The following FBLN7 variants were observed in gnomAD, a reference collection of about 807,000 sequenced individuals.
The protein encoded by FBLN7 is fibulin-7.
Under a neutral mutation model 44.0 loss-of-function variants are expected in FBLN7, and 31 were observed. The observed-to-expected ratio is 0.70, with a 90% confidence interval of 0.53 to 0.95. The LOEUF is 0.95. FBLN7 is among the 40% of genes least tolerant of loss of function. The probability of loss-of-function intolerance (pLI) is 0.00; values close to 1 mark genes in which losing one functional copy is unlikely to be tolerated. For missense variants in FBLN7, 573 were observed against 618.5 expected (o/e 0.93, Z 0.78); for synonymous variants, 262 against 253.4 (o/e 1.03, Z -0.32).
At chr2:112,233,698 C>G in the FBLN7 span, among the ~76,000 whole-genome samples, 2 of 151,856 alleles carry the variant, frequency 1.3e-5, no homozygotes, top group African/African-American at 2.4e-5. Flanking sequence ...AAACCTCGTC[C>G]CTACTAACAA....
chr2:112,182,890 G>A lies in FBLN7; in HGVS notation c.770G>A (p.Gly257Asp). The A allele has an allele frequency of 4.3e-6, 7 of 1,613,036 alleles. No individual in the cohort carries two copies. The highest frequency in any genetic ancestry group is 5.9e-6 in the Non-Finnish European group (7 of 1,179,852). Reference protein sequence around the residue: ...TPGSYRCTCPGGYRTLADGKS... With the variant: ...TPGSYRCTCPDGYRTLADGKS... ...GGCTCTTACCGTTGCACCTGCCCCGGTGGATACCGAACTCTGGCTGACGGG... is the reference window on the plus strand; with the variant it reads ...GGCTCTTACCGTTGCACCTGCCCCGATGGATACCGAACTCTGGCTGACGGG... Residue 257 changes from glycine to aspartate, a missense_variant, in exon 6 of 8, where the codon GGT becomes GAT. Physicochemically the swap from Gly to Asp is moderately conservative, Grantham distance 94. Coordinates refer to ENST00000331203, the MANE Select transcript of FBLN7 (RefSeq NM_153214.3).
At chr2:112,154,967 G>A (rs1681341833) in intron 1 of FBLN7, among the ~76,000 whole-genome samples, 2 of 152,206 alleles carry the variant, frequency 1.3e-5, no homozygotes, top group South Asian at 4.1e-4. Context: ...ATCCTGTGGG[G>A]CTGCATGGTG....
At chr2:112,220,442 A>G in the FBLN7 span, among the ~76,000 whole-genome samples, 1 of 152,186 alleles carries the variant, frequency 6.6e-6, no homozygotes, top group African/African-American at 2.4e-5. Flanking sequence ...TTCTTGGTTG[A>G]AAATTCTTTA....
At chr2:112,224,163 C>T in the FBLN7 span, among the ~76,000 whole-genome samples, 1,183 of 152,134 alleles carry the variant, frequency 7.8e-3, 16 homozygotes, top group Non-Finnish European at 8.2e-3. Context: ...AATATTTTGA[C>T]ATAATATTAA....
At position 112,156,598 on chromosome 2, in the gene FBLN7, T is replaced by TA. The variant is rs573220769; in HGVS notation, c.76-3077dup. ...GCAGGGCTGCACGGTGCTGGGCAGGTACGGGGTTGCAGGAGGTCGCTCCTG... is the reference window on the plus strand; with the variant it reads ...GCAGGGCTGCACGGTGCTGGGCAGGTAACGGGGTTGCAGGAGGTCGCTCCTG... On this transcript the variant is annotated intron_variant, in intron 1 of 7. Coordinates refer to ENST00000331203, the MANE Select transcript of FBLN7 (RefSeq NM_153214.3). 1.2e-3 allele frequency among the ~76,000 whole-genome samples: 183 copies of TA among 152,242 alleles called. 1 individual carries two copies. The highest frequency in any genetic ancestry group is 3.9e-3 in the South Asian group (19 of 4,820).
intron 2 of FBLN7, among the ~76,000 whole-genome samples, chr2:112,162,294 G>A (rs1292547630): frequency 6.6e-6 from 1 of 150,932 alleles, no homozygotes; most frequent in Non-Finnish European, 1.5e-5. Flanking sequence ...ACAGGCGGGT[G>A]CTCCTGTGCC....
chr2:112,154,889 C>T (rs926187150), intron 1 of FBLN7, among the ~76,000 whole-genome samples: 1 of 152,164 alleles, frequency 6.6e-6, no homozygotes, highest in Non-Finnish European at 1.5e-5. Flanking sequence ...AGGCCGGTTG[C>T]TCTGCTCGTT....
intron 3 of FBLN7, among the ~76,000 whole-genome samples, chr2:112,171,051 G>A (rs375734245): frequency 1.1e-4 from 16 of 152,172 alleles, no homozygotes; most frequent in Admixed American, 8.5e-4. Flanking sequence ...TAAACAGCTC[G>A]TGTGTGGGTC....
At chr2:112,176,768 A>G (rs540733273) in intron 4 of FBLN7, 1 of 152,174 alleles carries the variant, frequency 6.6e-6, no homozygotes, top group Admixed American at 6.5e-5. Flanking sequence ...ACTGCTTTCT[A>G]TGGAAACTGA....
At chr2:112,168,003 T>C (rs951483811) in intron 3 of FBLN7, among the ~76,000 whole-genome samples, 3 of 152,126 alleles carry the variant, frequency 2.0e-5, no homozygotes, top group African/African-American at 7.2e-5. Flanking sequence ...CTGAGCAGAC[T>C]TCCCTTTCTT....
intron 1 of FBLN7, among the ~76,000 whole-genome samples, chr2:112,141,418 A>AC (rs1479243704): frequency 6.6e-6 from 1 of 152,156 alleles, no homozygotes; most frequent in Non-Finnish European, 1.5e-5. Flanking sequence ...GCCCATGGCC[A>AC]CCTAGAGGCC....
chr2:112,243,776 GC>G, the FBLN7 span, among the ~76,000 whole-genome samples: 8 of 151,996 alleles, frequency 5.3e-5, no homozygotes, highest in Non-Finnish European at 8.8e-5. Context: ...TATAGAAAAT[GC>G]TTACTGATCC....
chr2:112,171,892 G>A (rs1333463094), intron 3 of FBLN7, among the ~76,000 whole-genome samples: 3 of 152,048 alleles, frequency 2.0e-5, no homozygotes, highest in South Asian at 2.1e-4. Flanking sequence ...GACTACAGGT[G>A]CCCGCCACCA....
chr2:112,211,634 T>C, the FBLN7 span: 3 of 152,234 alleles, frequency 2.0e-5, no homozygotes, highest in African/African-American at 4.8e-5. Context: ...TCTTATGTAC[T>C]GCTAAGAAAA....
the FBLN7 span, chr2:112,233,204 T>C: frequency 3.7e-5 from 47 of 1,274,086 alleles, no homozygotes; most frequent in Admixed American, 3.1e-4. Context: ...ATTTTGCACA[T>C]TTAAAATGTT....
the FBLN7 span, chr2:112,231,983 C>A: frequency 8.1e-7 from 1 of 1,228,584 alleles, no homozygotes; most frequent in Admixed American, 2.1e-5. Context: ...CAATTTTAAT[C>A]CAATTGAAAT....
intron 5 of FBLN7, 127 bp downstream of exon 5, chr2:112,182,003 C>A: frequency 1.7e-6 from 2 of 1,204,968 alleles, no homozygotes; most frequent in African/African-American, 1.6e-5. Context: ...GAAGGCCTGG[C>A]CACTTTGCAT....
the FBLN7 span, among the ~76,000 whole-genome samples, chr2:112,219,171 C>T: frequency 6.6e-6 from 1 of 152,108 alleles, no homozygotes; most frequent in Non-Finnish European, 1.5e-5. Context: ...TTGGGAGACT[C>T]ACACTTCCTG....
the FBLN7 span, among the ~76,000 whole-genome samples, chr2:112,227,914 G>A: frequency 6.6e-6 from 1 of 151,442 alleles, no homozygotes; most frequent in African/African-American, 2.4e-5. Context: ...ATCTCAGCAT[G>A]GGTTTTTTGC....
Sources: allele counts gnomAD v4.1 joint callset (sites outside exome capture counted in the v4.1 genomes callset), GRCh38; gene constraint gnomAD v4.1.1; transcripts MANE v1.5; gene names NCBI Gene and HGNC (gene_info 2026-07-23, HGNC 2026-07-21).